The following MAP2K1 variants were observed in gnomAD, a reference collection of about 807,000 sequenced individuals.
MAP2K1 encodes the protein mitogen-activated protein kinase kinase 1.
Under a neutral mutation model 46.3 loss-of-function variants are expected in MAP2K1, and 16 were observed. That is an observed-to-expected ratio of 0.35 (90% CI 0.23 to 0.52). MAP2K1 has a LOEUF of 0.52. MAP2K1 is among the 20% of genes least tolerant of loss of function. The pLI, the probability that MAP2K1 is intolerant of heterozygous loss-of-function variation, is 0.94. For synonymous variants in MAP2K1, 183 were observed against 185.6 expected (o/e 0.99, Z 0.11); for missense variants, 263 against 497.1 (o/e 0.53, Z 4.48).
At chr15:66,459,585 T>C (rs543396697) in intron 5 of MAP2K1, among the ~76,000 whole-genome samples, 1 of 149,048 alleles carries the variant, frequency 6.7e-6, no homozygotes, top group Admixed American at 6.8e-5. Flanking sequence ...ACCACTGCAC[T>C]CCAGTCTGGA....
chr15:66,438,705 C>G (rs1473317216), intron 3 of MAP2K1, among the ~76,000 whole-genome samples: 2 of 152,162 alleles, frequency 1.3e-5, no homozygotes, highest in African/African-American at 2.4e-5. Flanking sequence ...TGTTCCTGCA[C>G]AAGTCTCTGG....
intron 7 of MAP2K1, among the ~76,000 whole-genome samples, chr15:66,485,603 G>A (rs112228109): frequency 2.0e-5 from 3 of 150,186 alleles, no homozygotes; most frequent in Non-Finnish European, 4.5e-5. Context: ...TGGGAGGGAA[G>A]GGGCTCACTC....
At chr15:66,428,599 A>G (rs2093466145) in intron 1 of MAP2K1, among the ~76,000 whole-genome samples, 2 of 152,090 alleles carry the variant, frequency 1.3e-5, no homozygotes, top group South Asian at 4.2e-4. Flanking sequence ...AATCTCATCC[A>G]AAAAACCCCC....
intron 1 of MAP2K1, among the ~76,000 whole-genome samples, chr15:66,409,992 A>C (rs1041272522): frequency 2.0e-5 from 3 of 152,206 alleles, no homozygotes; most frequent in African/African-American, 7.2e-5. Flanking sequence ...TTAAAATGAC[A>C]GAGGTGGAAA....
chr15:66,483,748 CTTTTTTT>C lies in MAP2K1; in HGVS notation c.694-1231_694-1225del, dbSNP rs750947705. 3.1e-5 allele frequency among the ~76,000 whole-genome samples: 4 copies of C among 131,128 alleles called. 1 individual carries two copies. In the South Asian group the frequency reaches 9.8e-4, roughly 32 times the overall value. 86.0% of individuals were successfully genotyped at this position (131,128 alleles called of 152,430 possible). On this transcript the variant is annotated intron_variant, in intron 6 of 10. Coordinates refer to ENST00000307102, the MANE Select transcript of MAP2K1 (RefSeq NM_002755.4). ...TTTTACAACATTTGACATACATTTTCTTTTTTTTTTTTTTTTTGAGACGGAGTCTCAC... is the reference window on the plus strand; with the variant it reads ...TTTTACAACATTTGACATACATTTTCTTTTTTTTTTGAGACGGAGTCTCAC...
rs1022088957 is a variant in MAP2K1, at chr15:66,490,925, A to G, written c.*310A>G. 10 of 472,114 alleles carry G rather than the reference A, an allele frequency of 2.1e-5. No individual in the cohort carries two copies. The highest frequency in any genetic ancestry group is 1.2e-4 in the African/African-American group (6 of 51,752). 29.2% of individuals were successfully genotyped at this position (472,114 alleles called of 1,614,324 possible). Reference sequence around the variant, plus strand: ...GTGAATGTGGGTAGTCATTCTTACAATTGCACTGCTGTTCCTGCTCCATGA... The same window carrying G: ...GTGAATGTGGGTAGTCATTCTTACAGTTGCACTGCTGTTCCTGCTCCATGA... On this transcript the variant is annotated 3_prime_UTR_variant, in exon 11 of 11. Transcript: ENST00000307102.
intron 5 of MAP2K1, chr15:66,446,331 C>G (rs984968430): frequency 6.5e-6 from 1 of 152,898 alleles, no homozygotes; most frequent in Non-Finnish European, 1.5e-5. Flanking sequence ...CCCAGCTACT[C>G]AGGAGGCTAA....
chr15:66,426,598 A>G (rs943945912), intron 1 of MAP2K1, among the ~76,000 whole-genome samples: 1 of 152,150 alleles, frequency 6.6e-6, no homozygotes, highest in African/African-American at 2.4e-5. Flanking sequence ...GAAGTGTGGG[A>G]AAGGACATTG....
chr15:66,470,094 G>GTTTTTTTTTTTTTTTT (rs55637393), intron 5 of MAP2K1, among the ~76,000 whole-genome samples: 1 of 76,602 alleles, frequency 1.3e-5, no homozygotes, highest in Non-Finnish European at 2.4e-5. Flanking sequence ...TTTTTTTCTT[G>GTTTTTTTTTTTTTTTT]TTTTTTTTTT....
intron 1 of MAP2K1, among the ~76,000 whole-genome samples, chr15:66,417,926 G>T (rs2093428328): frequency 6.6e-6 from 1 of 152,140 alleles, no homozygotes; most frequent in South Asian, 2.1e-4. Context: ...CTGACCTTTT[G>T]CCTTGGGGAC....
chr15:66,409,620 T>A (rs1375229784), intron 1 of MAP2K1, among the ~76,000 whole-genome samples: 1 of 152,200 alleles, frequency 6.6e-6, no homozygotes, highest in African/African-American at 2.4e-5. Context: ...GTTAAGTTTG[T>A]GCAATAACAC....
intron 1 of MAP2K1, among the ~76,000 whole-genome samples, chr15:66,392,100 A>G (rs2093357204): frequency 6.6e-6 from 1 of 152,078 alleles, no homozygotes; most frequent in South Asian, 2.1e-4. Flanking sequence ...GAAGAGCTAC[A>G]TTCAGGCTCT....
intron 6 of MAP2K1, among the ~76,000 whole-genome samples, chr15:66,483,543 T>G: frequency 6.6e-6 from 1 of 152,198 alleles, no homozygotes; most frequent in East Asian, 1.9e-4. Flanking sequence ...AAAATGCTAC[T>G]GGAGAAGTTA....
At chr15:66,488,881 A>G in intron 8 of MAP2K1, 1 of 402,474 alleles carries the variant, frequency 2.5e-6, no homozygotes. Context: ...CCCTGAGATC[A>G]TTAGGCCCAA....
At chr15:66,490,052 C>G in intron 10 of MAP2K1, 1 of 559,466 alleles carries the variant, frequency 1.8e-6, no homozygotes, top group Non-Finnish European at 3.2e-6. Context: ...CGGCCTTTCC[C>G]TAATACTGAC....
Position 66,491,317 on chromosome 15 carries a change from TTAA to T in MAP2K1, c.*704_*706del. 4.3e-6 allele frequency: 1 copy of T among 233,934 alleles called. No individual in the cohort carries two copies. Among genetic ancestry groups the T allele is most frequent in the East Asian group, 6.1e-5 (1 of 16,332 alleles). The allele number at this position is 233,934 out of a possible 1,614,324, so 14.5% of individuals were successfully genotyped here. A position where few individuals can be genotyped will look rare whatever the true frequency, so the allele number is the denominator to read the frequency against. ...AGTGGTATGTCTCTTTAAGTTTTGA[TTAA>T]TGTTTCTTAAATGGAATTATTTTGA... is the stretch of plus-strand genomic sequence containing the variant. On this transcript the variant is annotated 3_prime_UTR_variant, in exon 11 of 11. Coordinates refer to ENST00000307102, the MANE Select transcript of MAP2K1 (RefSeq NM_002755.4).
intron 3 of MAP2K1, among the ~76,000 whole-genome samples, chr15:66,440,329 C>A (rs575896199): frequency 1.3e-5 from 2 of 152,270 alleles, no homozygotes; most frequent in East Asian, 3.9e-4. Flanking sequence ...TGGGCTCAAG[C>A]AATCTGCCTG....
At chr15:66,411,638 T>C (rs928578092) in intron 1 of MAP2K1, among the ~76,000 whole-genome samples, 2 of 152,230 alleles carry the variant, frequency 1.3e-5, no homozygotes, top group African/African-American at 4.8e-5. Context: ...TAGAGTGTTG[T>C]TTCAATAGAT....
intron 5 of MAP2K1, among the ~76,000 whole-genome samples, chr15:66,464,576 G>A (rs1026945722): frequency 1.3e-5 from 2 of 152,162 alleles, no homozygotes; most frequent in Non-Finnish European, 2.9e-5. Flanking sequence ...CCAGGCTAGA[G>A]TGCAGTGGCG....
Sources: gnomAD v4.1 joint callset for allele counts (sites outside exome capture counted in the v4.1 genomes callset) on GRCh38, gnomAD v4.1.1 for gene constraint, MANE v1.5 for transcripts, NCBI Gene and HGNC (gene_info 2026-07-23, HGNC 2026-07-21) for gene names.